NECTIN2: variants seen among roughly 807,000 people sequenced by gnomAD.
NECTIN2 encodes the protein nectin-2.
A neutral mutation model predicts 56.9 loss-of-function variants in NECTIN2; 23 were observed. The observed-to-expected ratio is 0.40, with a 90% CI of 0.29 to 0.57. The LOEUF is 0.57. Ranked by LOEUF, NECTIN2 falls within the 20% of genes least tolerant of loss-of-function variation. The pLI, the probability that NECTIN2 is intolerant of heterozygous loss-of-function variation, is 0.38. For synonymous variants in NECTIN2, 302 were observed against 313.8 expected (o/e 0.96, Z 0.40); for missense variants, 587 against 718.3 (o/e 0.82, Z 2.09).
chr19:44,865,282 G>A lies in NECTIN2; in HGVS notation c.100G>A (p.Val34Met), dbSNP rs1401860288. ...TCCTCTCTGCCCAGGAGCCCAGGAT[G>A]TGCGAGTTCAAGTGCTACCCGAGGT... ...LLLLETGAQD[V>M]RVQVLPEVRG... The change falls in exon 2 of 9, where the codon GTG becomes ATG. Residue 34 changes from valine (V) to methionine (M), a missense_variant. Coordinates refer to ENST00000252483, the MANE Select transcript of NECTIN2 (RefSeq NM_001042724.2). The surrounding 1 kb of genome is among the most constrained non-coding windows in gnomAD (Gnocchi z 5.2). 5 of 1,611,446 alleles carry A rather than the reference G, an allele frequency of 3.1e-6. No individual in the cohort carries two copies. Among genetic ancestry groups the A allele is most frequent in the Admixed American group, 1.7e-5 (1 of 59,940 alleles).
chr19:44,878,390 G>A (rs538246369), intron 5 of NECTIN2: 78 of 1,557,742 alleles, frequency 5.0e-5, no homozygotes, highest in South Asian at 2.0e-4. Flanking sequence ...AGCCAGTGGC[G>A]ACGGGGGATT....
At chr19:44,854,208 C>T (rs1011228549) in intron 1 of NECTIN2, among the ~76,000 whole-genome samples, 2 of 151,932 alleles carry the variant, frequency 1.3e-5, no homozygotes, top group South Asian at 2.1e-4. Context: ...TGAGTTCAAG[C>T]GACTCTCCCT....
intron 5 of NECTIN2, 131 bp from the exon 6 acceptor site, chr19:44,882,080 T>G: frequency 1.3e-6 from 1 of 794,676 alleles, no homozygotes. Context: ...TTGAGTTGAA[T>G]GAAAGAATGT....
In NECTIN2 at chr19:44,846,583, C is replaced by T. The variant is rs1008256019; in HGVS notation, c.58C>T (p.Pro20Ser). Reference sequence around the variant, plus strand: ...ATCGCCGCCGACGCCGCTGCTGTGGCCGCTGCTGCTGCTGCTGCTCCTGGA... The same window carrying T: ...ATCGCCGCCGACGCCGCTGCTGTGGTCGCTGCTGCTGCTGCTGCTCCTGGA... ...SRSPPTPLLW[P>S]LLLLLLLETG... Residue 20 changes from proline to serine, a missense_variant, in exon 1 of 9, where the codon CCG (proline) becomes TCG (serine). By Grantham distance (74) the Pro-to-Ser change is moderately conservative (BLOSUM62 -1). Transcript: ENST00000252483. The T allele has an allele frequency of 1.4e-5, 21 of 1,525,508 alleles. No individual in the cohort carries two copies. The highest frequency in any genetic ancestry group is 1.7e-5 in the Non-Finnish European group (20 of 1,143,032). The allele number at this position is 1,525,508 out of a possible 1,614,324, so 94.5% of individuals were successfully genotyped here.
At chr19:44,850,418 G>C (rs1039203159) in intron 1 of NECTIN2, among the ~76,000 whole-genome samples, 2 of 152,166 alleles carry the variant, frequency 1.3e-5, no homozygotes, top group African/African-American at 4.8e-5. Context: ...GTCCAGGCAG[G>C]TGTATCACTT....
rs751334234 is a variant in NECTIN2, at chr19:44,846,994, A to G, written c.88+381A>G. 4.0e-5 allele frequency among the ~76,000 whole-genome samples: 6 copies of G among 150,570 alleles called. 1 individual carries two copies. The South Asian group carries it at 1.3e-3, about 32-fold the overall frequency. On this transcript the variant is annotated intron_variant, in intron 1 of 8. Coordinates refer to ENST00000252483, the MANE Select transcript of NECTIN2 (RefSeq NM_001042724.2). Reference sequence around the variant, plus strand: ...CCGGATCTGGGTCTCTGTCTCCTCTACCCCTCTCAGGAATGTGGGGAATGT... The same window carrying G: ...CCGGATCTGGGTCTCTGTCTCCTCTGCCCCTCTCAGGAATGTGGGGAATGT...
In NECTIN2 at chr19:44,882,279, G is replaced by A. The variant is rs759764650; in HGVS notation, c.1111G>A (p.Ala371Thr). 6 of 1,563,184 alleles carry A rather than the reference G, an allele frequency of 3.8e-6. No homozygotes were observed. In the South Asian group the frequency reaches 7.1e-5, roughly 18 times the overall value. Residue 371 changes from alanine to threonine, a missense_variant, in exon 6 of 9, where the codon GCT becomes ACT. Ala to Thr is a moderately conservative substitution (Grantham distance 58, BLOSUM62 0). Transcript: ENST00000252483. Reference sequence around the variant, plus strand: ...CGGGGGCATCATCGCCGCCATCATTGCTACTGCTGTGGCTGCCACGGGCAT... The same window carrying A: ...CGGGGGCATCATCGCCGCCATCATTACTACTGCTGTGGCTGCCACGGGCAT... Reference protein sequence around the residue: ...IIGGIIAAIIATAVAATGILI... With the variant: ...IIGGIIAAIITTAVAATGILI...
chr19:44,865,757 G>A lies in NECTIN2; in HGVS notation c.478+97G>A. 1 of 1,308,848 alleles carries A rather than the reference G, an allele frequency of 7.6e-7. No homozygotes were observed. Among genetic ancestry groups the A allele is most frequent in the Non-Finnish European group, 1.0e-6 (1 of 985,364 alleles). 81.1% of individuals were successfully genotyped at this position (1,308,848 alleles called of 1,614,324 possible). ...TTTCTCTCTTGGCTTCAGCTGTGAG[G>A]TTCACATTCTCTGTGGGTTTCCATC... On this transcript the variant is annotated intron_variant, in intron 2 of 8. Coordinates refer to ENST00000252483, the MANE Select transcript of NECTIN2 (RefSeq NM_001042724.2). The surrounding 1 kb of genome is among the most constrained non-coding windows in gnomAD (Gnocchi z 5.2).
chr19:44,849,428 C>T (rs1445526195), intron 1 of NECTIN2, among the ~76,000 whole-genome samples: 4 of 151,754 alleles, frequency 2.6e-5, no homozygotes, highest in Non-Finnish European at 4.4e-5. Context: ...GCCTCAAGGC[C>T]AGCGACATGT....
At chr19:44,866,527 C>T (rs555553639) in intron 2 of NECTIN2, among the ~76,000 whole-genome samples, 1 of 152,004 alleles carries the variant, frequency 6.6e-6, no homozygotes, top group Admixed American at 6.6e-5. Flanking sequence ...AGAGGAGGAG[C>T]CCTCTGGGTA....
At chr19:44,855,539 CTCT>C (rs998467180) in intron 1 of NECTIN2, among the ~76,000 whole-genome samples, 2 of 152,160 alleles carry the variant, frequency 1.3e-5, no homozygotes, top group African/African-American at 4.8e-5. Context: ...CTCCAGGAAG[CTCT>C]TCTTTCGTTC....
chr19:44,882,134 G>A, intron 5 of NECTIN2, 77 bp from the exon 6 acceptor site: 2 of 1,274,094 alleles, frequency 1.6e-6, no homozygotes, highest in Non-Finnish European at 2.0e-6. Flanking sequence ...GCGATGATGT[G>A]GGGTGGGATG....
chr19:44,882,077 G>A (rs1216890539), intron 5 of NECTIN2, 134 bp from the exon 6 acceptor site: 9 of 762,718 alleles, frequency 1.2e-5, no homozygotes, highest in African/African-American at 1.1e-4. Flanking sequence ...AGTTTGAGTT[G>A]AATGAAAGAA....
rs145449661 is a variant in NECTIN2, at chr19:44,886,787, TC to T, written c.1347+571del. Among the ~76,000 whole-genome samples the T allele has an allele frequency of 4.6e-3, 700 of 152,034 alleles. 8 individuals are homozygous for T. The highest frequency in any genetic ancestry group is 0.016 in the African/African-American group (658 of 41,480). ...CGGGCATGGTGGCTCTGGTCTATAA[TC>T]CCAGTACTTTGGGAGGCCAAGGTAG... is the stretch of plus-strand genomic sequence containing the variant. On this transcript the variant is annotated intron_variant, in intron 8 of 8. Coordinates refer to ENST00000252483, the MANE Select transcript of NECTIN2 (RefSeq NM_001042724.2).
intron 1 of NECTIN2, among the ~76,000 whole-genome samples, chr19:44,853,767 G>A (rs1037025467): frequency 5.9e-5 from 9 of 152,314 alleles, no homozygotes; most frequent in Middle Eastern, 3.4e-3. Context: ...AATTACAGGC[G>A]TGAGCCATTG....
chr19:44,879,156 C>T (rs1184334268), intron 5 of NECTIN2, among the ~76,000 whole-genome samples: 1 of 152,096 alleles, frequency 6.6e-6, no homozygotes, highest in Non-Finnish European at 1.5e-5. Context: ...GCTCGTGCAA[C>T]TAGGATTCAG....
chr19:44,873,994 T>A lies in NECTIN2; in HGVS notation c.854T>A (p.Val285Asp). The change falls in exon 4 of 9, where the codon GTC (valine) becomes GAC (aspartate). Residue 285 changes from valine (V) to aspartate (D), a missense_variant. Physicochemically the swap from Val to Asp is radical, Grantham distance 152 (BLOSUM62 -3). Coordinates refer to ENST00000252483, the MANE Select transcript of NECTIN2 (RefSeq NM_001042724.2). ...ACTGATGCCACCCTGAGCTGTGACG[T>A]CCGCAGCAACCCAGAGCCCACGGGC... is the stretch of plus-strand genomic sequence containing the variant. ...GRTDATLSCD[V>D]RSNPEPTGYD... The A allele has an allele frequency of 2.5e-6, 4 of 1,613,968 alleles. No homozygotes were observed. Among genetic ancestry groups the A allele is most frequent in the Non-Finnish European group, 3.4e-6 (4 of 1,179,982 alleles).
rs746671135 is a variant in NECTIN2, at chr19:44,872,008, A to T, written c.634A>T (p.Thr212Ser). The T allele has an allele frequency of 6.2e-6, 10 of 1,614,064 alleles. No homozygotes were observed. In the South Asian group the frequency reaches 1.1e-4, roughly 18 times the overall value. Residue 212 changes from threonine (T) to serine (S), a missense_variant, in exon 3 of 9, where the codon ACC becomes TCC. By Grantham distance (58) the Thr-to-Ser change is moderately conservative (BLOSUM62 1). Transcript: ENST00000252483. ...AGCCAAAGAGACTCAGGTGTCAGGG[A>T]CCCTGGCCGGAACTGTCACTGTCAC... ...WEAKETQVSGTLAGTVTVTSR... is the reference protein window; with the variant it reads ...WEAKETQVSGSLAGTVTVTSR...
intron 5 of NECTIN2, among the ~76,000 whole-genome samples, chr19:44,881,078 CCCG>C (rs1255576567): frequency 2.0e-5 from 3 of 151,754 alleles, no homozygotes; most frequent in African/African-American, 7.3e-5. Context: ...CCGGCTAGCC[CCCG>C]GCTAATTTTT....
Sources: gnomAD v4.1 joint callset for allele counts (sites outside exome capture counted in the v4.1 genomes callset) on GRCh38, gnomAD v4.1.1 for gene constraint, Gnocchi (gnomAD v3.1) non-coding constraint, MANE v1.5 for transcripts, NCBI Gene and HGNC (gene_info 2026-07-23, HGNC 2026-07-21) for gene names.